Variants in ANKRD6 observed in about 807,000 individuals in gnomAD.
ANKRD6 encodes ankyrin repeat domain 6.
In ANKRD6, 56 loss-of-function variants were observed where a neutral mutation model predicts 82.3. The observed-to-expected ratio is 0.68, with a 90% CI of 0.55 to 0.85. ANKRD6 has a LOEUF of 0.85. Among genes scored for constraint, ANKRD6 ranks in the 40% least tolerant of loss-of-function variants. The pLI, the probability that ANKRD6 is intolerant of heterozygous loss-of-function variation, is 0.00. For synonymous variants in ANKRD6, 347 were observed against 352.1 expected (o/e 0.99, Z 0.16); for missense variants, 852 against 907.6 (o/e 0.94, Z 0.79).
intron 6 of ANKRD6, among the ~76,000 whole-genome samples, chr6:89,613,515 A>G (rs1800752710): frequency 1.3e-5 from 2 of 152,154 alleles, no homozygotes; most frequent in African/African-American, 4.8e-5. Flanking sequence ...GCTCTTGGAA[A>G]GGTCTCATGG....
At chr6:89,624,142 C>G (rs924897672) in intron 12 of ANKRD6, 85 bp downstream of exon 12, 2 of 1,397,046 alleles carry the variant, frequency 1.4e-6, no homozygotes, top group Non-Finnish European at 1.9e-6. Flanking sequence ...GGCTGATAGG[C>G]ACTTTAGGCA....
intron 1 of ANKRD6, among the ~76,000 whole-genome samples, chr6:89,489,090 C>T (rs953314925): frequency 3.9e-5 from 6 of 152,074 alleles, no homozygotes; most frequent in Non-Finnish European, 5.9e-5. Context: ...CTCTTGGTAC[C>T]GGGTCCAAGG....
At chr6:89,486,695 A>G (rs1263618950) in intron 1 of ANKRD6, among the ~76,000 whole-genome samples, 2 of 152,058 alleles carry the variant, frequency 1.3e-5, no homozygotes, top group African/African-American at 4.8e-5. Flanking sequence ...GCTGGTCTCA[A>G]ACTCCCGGGC....
In ANKRD6 at chr6:89,599,094, C is replaced by T. The variant is rs542179924; in HGVS notation, c.219+3080C>T. On this transcript the variant is annotated intron_variant, in intron 3 of 15. Coordinates refer to ENST00000339746, the MANE Select transcript of ANKRD6 (RefSeq NM_001242809.2). ...GTAGGGAGTCAATAAATATTCAGTCCGGGCCTGGTGGCTCACACCTGTAAT... is the reference window on the plus strand; with the variant it reads ...GTAGGGAGTCAATAAATATTCAGTCTGGGCCTGGTGGCTCACACCTGTAAT... Among the ~76,000 whole-genome samples, 25 of 152,116 alleles carry T rather than the reference C, an allele frequency of 1.6e-4. 1 individual carries two copies. The highest frequency in any genetic ancestry group is 1.4e-3 in the Admixed American group (22 of 15,260).
chr6:89,613,938 GCTACCGGA>G (rs1184153086), intron 7 of ANKRD6, 48 bp downstream of exon 7: 3 of 1,593,818 alleles, frequency 1.9e-6, no homozygotes, highest in Admixed American at 3.4e-5. Flanking sequence ...TTCCCACAAG[GCTACCGGA>G]CAGGTCTGTT....
At position 89,532,330 on chromosome 6, in the gene ANKRD6, A is replaced by G. The variant is rs1583125353; in HGVS notation, c.-143-34504A>G. ...TACTGGACCTCTCCTAACTTTTCTA[A>G]TATGTTACATTAATTCTGAACTCTG... On this transcript the variant is annotated intron_variant, in intron 1 of 15. Coordinates refer to ENST00000339746, the MANE Select transcript of ANKRD6 (RefSeq NM_001242809.2). 4.6e-5 allele frequency among the ~76,000 whole-genome samples: 7 copies of G among 152,066 alleles called. No homozygotes were observed. In the South Asian group the frequency reaches 1.5e-3, roughly 32 times the overall value.
At chr6:89,472,265 C>A (rs1775574734) in intron 1 of ANKRD6, among the ~76,000 whole-genome samples, 1 of 152,160 alleles carries the variant, frequency 6.6e-6, no homozygotes, top group African/African-American at 2.4e-5. Flanking sequence ...CAAATAAGTT[C>A]ACATTCTGAG....
intron 1 of ANKRD6, among the ~76,000 whole-genome samples, chr6:89,564,325 A>C (rs533118251): frequency 2.0e-5 from 3 of 152,238 alleles, no homozygotes; most frequent in African/African-American, 7.2e-5. Context: ...GAAAAGCAAA[A>C]AAATAGAAGG....
chr6:89,547,700 T>C lies in ANKRD6; in HGVS notation c.-143-19134T>C, dbSNP rs185547138. On this transcript the variant is annotated intron_variant, in intron 1 of 15. Coordinates refer to ENST00000339746, the MANE Select transcript of ANKRD6 (RefSeq NM_001242809.2). ...AACCAGTTTAACTCCTTACATAATA[T>C]TTTATAGAAAATTGTATCCTTTATT... Among the ~76,000 whole-genome samples the C allele has an allele frequency of 1.6e-3, 246 of 152,278 alleles. 1 individual carries two copies. Among genetic ancestry groups the C allele is most frequent in the African/African-American group, 5.5e-3 (230 of 41,562 alleles).
At chr6:89,497,022 C>G (rs974451517) in intron 1 of ANKRD6, among the ~76,000 whole-genome samples, 2 of 152,158 alleles carry the variant, frequency 1.3e-5, no homozygotes, top group Non-Finnish European at 2.9e-5. Flanking sequence ...ATAGCTTCTT[C>G]TTTTCTGTTT....
rs141240331 is a variant in ANKRD6, at chr6:89,442,286, G to A, written c.-144+8911G>A. Among the ~76,000 whole-genome samples, 1,219 of 152,184 alleles carry A rather than the reference G, an allele frequency of 8.0e-3. 18 individuals are homozygous for A. The highest frequency in any genetic ancestry group is 0.027 in the African/African-American group (1,122 of 41,540). On this transcript the variant is annotated intron_variant, in intron 1 of 15. Transcript: ENST00000339746. ...GCTGGGATTACAGGCCTGAGCCACT[G>A]CGCCTGGCCCATCAGCTTGGTTTTA...
chr6:89,562,543 G>A (rs1053289788), intron 1 of ANKRD6: 3 of 152,154 alleles, frequency 2.0e-5, no homozygotes, highest in South Asian at 2.1e-4. Flanking sequence ...ATGTTCCTCC[G>A]ATCTGTGAAT....
At chr6:89,451,871 A>G (rs1343408534) in intron 1 of ANKRD6, among the ~76,000 whole-genome samples, 1 of 152,150 alleles carries the variant, frequency 6.6e-6, no homozygotes, top group Non-Finnish European at 1.5e-5. Flanking sequence ...AATGTCAGGG[A>G]CATTTACTTT....
intron 2 of ANKRD6, among the ~76,000 whole-genome samples, chr6:89,573,635 A>G (rs922181319): frequency 6.6e-6 from 1 of 152,260 alleles, no homozygotes; most frequent in African/African-American, 2.4e-5. Flanking sequence ...GAATATGTAC[A>G]TAAATTTTTT....
At chr6:89,537,296 T>C (rs1267378940) in intron 1 of ANKRD6, among the ~76,000 whole-genome samples, 1 of 152,182 alleles carries the variant, frequency 6.6e-6, no homozygotes, top group African/African-American at 2.4e-5. Context: ...GAAAGCCCCA[T>C]TGCAGAGTGT....
intron 1 of ANKRD6, among the ~76,000 whole-genome samples, chr6:89,529,078 C>T (rs1287189668): frequency 3.3e-5 from 5 of 152,176 alleles, no homozygotes; most frequent in African/African-American, 7.2e-5. Flanking sequence ...CTGCATTAGC[C>T]CCTAACAAGA....
intron 1 of ANKRD6, among the ~76,000 whole-genome samples, chr6:89,500,390 A>G (rs764719722): frequency 2.6e-4 from 39 of 152,250 alleles, no homozygotes; most frequent in Non-Finnish European, 4.6e-4. Flanking sequence ...AAAATATCAC[A>G]GTACAGGCAG....
intron 11 of ANKRD6, 83 bp from the exon 12 acceptor site, chr6:89,623,789 T>A: frequency 6.9e-7 from 1 of 1,446,360 alleles, no homozygotes; most frequent in South Asian, 1.4e-5. Flanking sequence ...TTTGCCCAAA[T>A]GGGGTGACAT....
intron 1 of ANKRD6, among the ~76,000 whole-genome samples, chr6:89,462,717 T>C (rs1774333783): frequency 1.3e-5 from 2 of 152,234 alleles, no homozygotes; most frequent in African/African-American, 4.8e-5. Context: ...AATAAAAAGA[T>C]TATCTTTGGG....
Sources: gnomAD v4.1 joint callset for allele counts (sites outside exome capture counted in the v4.1 genomes callset) on GRCh38, gnomAD v4.1.1 for gene constraint, MANE v1.5 for transcripts, NCBI Gene and HGNC (gene_info 2026-07-23, HGNC 2026-07-21) for gene names.